ROBO2: variants seen among roughly 807,000 people sequenced by gnomAD.
The protein encoded by ROBO2 is roundabout guidance receptor 2, also known as roundabout homolog 2.
Under a neutral mutation model 160.8 loss-of-function variants are expected in ROBO2, and 53 were observed. The ratio of observed to expected loss-of-function variants is 0.33; its 90% CI spans 0.26 to 0.41. ROBO2 has a LOEUF of 0.41. ROBO2 is among the 10% of genes least tolerant of loss of function. The pLI, the probability that ROBO2 is intolerant of heterozygous loss-of-function variation, is 1.00. For missense variants in ROBO2, 1,577 were observed against 1,722.4 expected (o/e 0.92, Z 1.49); for synonymous variants, 664 against 611.7 (o/e 1.09, Z -1.26).
intron 2 of ROBO2, among the ~76,000 whole-genome samples, chr3:77,455,020 T>C: frequency 6.6e-6 from 1 of 152,210 alleles, no homozygotes; most frequent in African/African-American, 2.4e-5. Context: ...AGTAGTTTGT[T>C]GTTGCTGATA....
At chr3:77,256,647 C>A (rs939140939) in intron 2 of ROBO2, among the ~76,000 whole-genome samples, 1 of 152,112 alleles carries the variant, frequency 6.6e-6, no homozygotes, top group Middle Eastern at 3.2e-3. Context: ...TTATACAGTG[C>A]TTTATTTGTG....
Position 76,487,209 on chromosome 3 carries a change from A to G in ROBO2, c.109+549607A>G, listed in dbSNP as rs1297036029. On this transcript the variant is annotated intron_variant, in intron 2 of 26. Coordinates refer to the ROBO2 transcript ENST00000487694. ...TTCCCAGGCTGATCTCTAACTCCTG[A>G]CCTCAAGCGATTCTCCTGCCTCAGC... Among the ~76,000 whole-genome samples, 4 of 151,038 alleles carry G rather than the reference A, an allele frequency of 2.6e-5. No homozygotes were observed. The East Asian group carries it at 7.8e-4, about 30-fold the overall frequency.
intron 2 of ROBO2, among the ~76,000 whole-genome samples, chr3:76,687,011 T>C (rs2092699802): frequency 6.6e-6 from 1 of 152,206 alleles, no homozygotes; most frequent in East Asian, 1.9e-4. Context: ...GGTTTGTCTC[T>C]TGTTTTCTAT....
chr3:76,227,803 C>G (rs1162969603), intron 2 of ROBO2, among the ~76,000 whole-genome samples: 1 of 152,164 alleles, frequency 6.6e-6, no homozygotes, highest in Non-Finnish European at 1.5e-5. Flanking sequence ...GCTGGGGATT[C>G]TTCTGCGCAT....
intron 2 of ROBO2, among the ~76,000 whole-genome samples, chr3:76,270,182 T>C (rs1183977668): frequency 1.3e-5 from 2 of 152,082 alleles, no homozygotes; most frequent in Non-Finnish European, 2.9e-5. Context: ...AAGTAGTGGT[T>C]CAAGGGAACC....
At chr3:76,548,112 T>A (rs1047375851) in intron 2 of ROBO2, among the ~76,000 whole-genome samples, 5 of 152,152 alleles carry the variant, frequency 3.3e-5, no homozygotes, top group African/African-American at 9.7e-5. Context: ...TAAGGTAAAT[T>A]CATCATGATG....
At chr3:76,411,029 A>T (rs1420299552) in intron 2 of ROBO2, among the ~76,000 whole-genome samples, 1 of 152,070 alleles carries the variant, frequency 6.6e-6, no homozygotes, top group Admixed American at 6.6e-5. Context: ...TTTTTTTTTA[A>T]TGATAGGTTA....
rs535955578 is a variant in ROBO2 at position 76,519,703 on chromosome 3, AAGAGATATAAGACAAAAATAGAAAT to A, written c.110-578305_110-578281del. ...GACATGAAGCTCATCCTTTTGCTAGAAGAGATATAAGACAAAAATAGAAATAGAGAGGGGAAAGGAAGTGAATTGC... is the reference window on the plus strand; with the variant it reads ...GACATGAAGCTCATCCTTTTGCTAGAAGAGAGGGGAAAGGAAGTGAATTGC... On this transcript the variant is annotated intron_variant, in intron 2 of 26. Coordinates refer to the ROBO2 transcript ENST00000487694. 4.7e-3 allele frequency among the ~76,000 whole-genome samples: 714 copies of A among 152,320 alleles called. 1 individual carries two copies. The highest frequency in any genetic ancestry group is 7.7e-3 in the Non-Finnish European group (523 of 68,028).
chr3:76,990,957 G>A (rs1281035388), intron 2 of ROBO2, among the ~76,000 whole-genome samples: 1 of 152,140 alleles, frequency 6.6e-6, no homozygotes, highest in African/African-American at 2.4e-5. Flanking sequence ...CCCAACGGAA[G>A]AATTAGGGGA....
At chr3:76,827,205 C>T (rs941181703) in intron 2 of ROBO2, among the ~76,000 whole-genome samples, 23 of 152,038 alleles carry the variant, frequency 1.5e-4, no homozygotes, top group South Asian at 2.1e-4. Flanking sequence ...TTCAGTCTGA[C>T]GACTCTTAGG....
In ROBO2 at chr3:77,539,923, A is replaced by G. The variant is rs563946186; in HGVS notation, c.935-6415A>G. Among the ~76,000 whole-genome samples, 4 of 152,328 alleles carry G rather than the reference A, an allele frequency of 2.6e-5. No individual in the cohort carries two copies. In the East Asian group the frequency reaches 7.8e-4, roughly 30 times the overall value. On this transcript the variant is annotated intron_variant, in intron 6 of 25. Coordinates refer to ENST00000461745, the Ensembl canonical transcript of ROBO2. Reference sequence around the variant, plus strand: ...TAATTGATATCGGGGTGGGTTAACCACAAGACCAAGCAAATACTAGTGATT... The same window carrying G: ...TAATTGATATCGGGGTGGGTTAACCGCAAGACCAAGCAAATACTAGTGATT...
At chr3:77,380,124 A>G (rs192543313) in intron 2 of ROBO2, among the ~76,000 whole-genome samples, 19 of 152,368 alleles carry the variant, frequency 1.2e-4, no homozygotes, top group Admixed American at 3.9e-4. Context: ...AATGTGTGAA[A>G]CAAGGAACAC....
chr3:75,996,764 TCAA>T, intron 2 of ROBO2, among the ~76,000 whole-genome samples: 1 of 83,602 alleles, frequency 1.2e-5, no homozygotes, highest in Non-Finnish European at 3.1e-5. Flanking sequence ...ATGTAAATCA[TCAA>T]TTCTGATATA....
intron 2 of ROBO2, among the ~76,000 whole-genome samples, chr3:77,428,807 C>A (rs1157582939): frequency 6.6e-6 from 1 of 151,904 alleles, no homozygotes; most frequent in Non-Finnish European, 1.5e-5. Flanking sequence ...CTATTGCATG[C>A]CAAGATTATA....
At chr3:77,393,008 A>G (rs905717945) in intron 2 of ROBO2, among the ~76,000 whole-genome samples, 1 of 152,064 alleles carries the variant, frequency 6.6e-6, no homozygotes, top group African/African-American at 2.4e-5. Context: ...CACATTTTAA[A>G]TTTAAGTTGA....
rs529252516 is a variant in ROBO2, at chr3:77,519,246, C to A, written c.807-3529C>A. On this transcript the variant is annotated intron_variant, in intron 5 of 25. Coordinates refer to ENST00000461745, the Ensembl canonical transcript of ROBO2. The stretch of plus-strand genomic sequence containing the variant: ...AATCTTATTCCTATTCTTGTTTCCA[C>A]CTTCCTTTAAAATGATAAAAAAATC... Among the ~76,000 whole-genome samples, 4 of 151,440 alleles carry A rather than the reference C, an allele frequency of 2.6e-5. No homozygotes were observed. In the East Asian group the frequency reaches 7.8e-4, roughly 29 times the overall value.
rs911497665 is a variant in ROBO2, at chr3:76,059,696, T to G, written c.109+122094T>G. ...AATTTTGGCTTTTGTTGCCATTGCT[T>G]TTGGTGTTTTAGACATGAAGTCCTT... On this transcript the variant is annotated intron_variant, in intron 2 of 26. Coordinates refer to the ROBO2 transcript ENST00000487694. Among the ~76,000 whole-genome samples, 6 of 152,172 alleles carry G rather than the reference T, an allele frequency of 3.9e-5. No individual in the cohort carries two copies. In the South Asian group the frequency reaches 1.0e-3, roughly 26 times the overall value.
At chr3:76,513,327 GTATTTATT>G (rs943543722) in intron 2 of ROBO2, among the ~76,000 whole-genome samples, 3 of 151,906 alleles carry the variant, frequency 2.0e-5, no homozygotes, top group African/African-American at 7.2e-5. Flanking sequence ...GTTATTGTGG[GTATTTATT>G]TATTTATTTA....
At chr3:76,619,294 C>A (rs902048908) in intron 2 of ROBO2, among the ~76,000 whole-genome samples, 1 of 150,030 alleles carries the variant, frequency 6.7e-6, no homozygotes, top group African/African-American at 2.5e-5. Flanking sequence ...GAGCCGAGAT[C>A]GCGCCACTGC....
Sources: allele counts gnomAD v4.1 joint callset (sites outside exome capture counted in the v4.1 genomes callset), GRCh38; gene constraint gnomAD v4.1.1; transcripts MANE v1.5; gene names NCBI Gene and HGNC (gene_info 2026-07-23, HGNC 2026-07-21).